Variants in TMEM132D observed in about 807,000 individuals in gnomAD.
TMEM132D encodes the protein mature OL transmembrane protein.
Under a neutral mutation model 62.3 loss-of-function variants are expected in TMEM132D, and 21 were observed. The observed-to-expected ratio is 0.34, with a 90% CI of 0.24 to 0.49. TMEM132D has a LOEUF of 0.49. Ranked by LOEUF, TMEM132D falls within the 20% of genes least tolerant of loss-of-function variation. TMEM132D has a pLI of 0.99. For synonymous variants in TMEM132D, 621 were observed against 575.6 expected, an observed-to-expected ratio of 1.08 and a Z score of -1.13; for missense variants, 1,346 against 1,402.8, an observed-to-expected ratio of 0.96 and a Z score of 0.65.
At chr12:129,859,149 G>T (rs1279502371) in intron 1 of TMEM132D, among the ~76,000 whole-genome samples, 2 of 152,174 alleles carry the variant, frequency 1.3e-5, no homozygotes, top group Non-Finnish European at 2.9e-5. Flanking sequence ...CGGTGAGAAG[G>T]TGCCATCTCC....
rs1876003236 is a variant in TMEM132D at position 129,525,501 on chromosome 12, TAGG to T, written c.1115+5555_1115+5557del. ...GGAAATAAAAGCATCCTTCATGGTC[TAGG>T]AGGACTTGGGCATGTGTGCTGCATA... On this transcript the variant is annotated intron_variant, in intron 3 of 8. Transcript: ENST00000422113. Among the ~76,000 whole-genome samples the T allele has an allele frequency of 1.3e-5, 2 of 152,246 alleles. 1 individual carries two copies. Among genetic ancestry groups the T allele is most frequent in the African/African-American group, 4.8e-5 (2 of 41,532 alleles).
At chr12:129,209,183 C>T (rs1878948977) in intron 5 of TMEM132D, among the ~76,000 whole-genome samples, 1 of 152,198 alleles carries the variant, frequency 6.6e-6, no homozygotes, top group Non-Finnish European at 1.5e-5. Flanking sequence ...TTCCCTTCTT[C>T]TCCCCTGCCT....
chr12:129,537,620 G>T (rs1193087582), intron 2 of TMEM132D, among the ~76,000 whole-genome samples: 2 of 152,178 alleles, frequency 1.3e-5, no homozygotes, highest in Non-Finnish European at 2.9e-5. Flanking sequence ...TAAGACCTGT[G>T]ACTTCAATGC....
intron 2 of TMEM132D, among the ~76,000 whole-genome samples, chr12:129,598,244 T>G (rs571351301): frequency 6.6e-6 from 1 of 152,366 alleles, no homozygotes; most frequent in Admixed American, 6.5e-5. Flanking sequence ...TATTTTTTTA[T>G]GAGCTATTGA....
At chr12:129,167,691 A>G (rs1029644769) in intron 5 of TMEM132D, among the ~76,000 whole-genome samples, 2 of 151,988 alleles carry the variant, frequency 1.3e-5, no homozygotes, top group African/African-American at 2.4e-5. Flanking sequence ...GCACAATACT[A>G]GATACAGCTT....
intron 2 of TMEM132D, among the ~76,000 whole-genome samples, chr12:129,606,783 A>T (rs755184692): frequency 2.0e-5 from 3 of 152,194 alleles, no homozygotes; most frequent in Non-Finnish European, 4.4e-5. Context: ...GAGGGAATAA[A>T]AACTACATAT....
intron 3 of TMEM132D, among the ~76,000 whole-genome samples, chr12:129,441,612 T>C (rs1872938234): frequency 6.6e-6 from 1 of 152,208 alleles, no homozygotes; most frequent in Admixed American, 6.5e-5. Context: ...ACTCCCACTC[T>C]TTGATCCAGC....
intron 5 of TMEM132D, among the ~76,000 whole-genome samples, chr12:129,198,694 G>C: frequency 6.6e-6 from 1 of 152,082 alleles, no homozygotes; most frequent in East Asian, 1.9e-4. Flanking sequence ...GAAAGAATAA[G>C]TTATTTTTTA....
At chr12:129,364,517 T>G (rs1448711865) in intron 3 of TMEM132D, among the ~76,000 whole-genome samples, 5 of 152,232 alleles carry the variant, frequency 3.3e-5, no homozygotes, top group Non-Finnish European at 4.4e-5. Flanking sequence ...TAGCGTAATT[T>G]TGTAGTTGCA....
At chr12:129,459,368 C>G (rs963974557) in intron 3 of TMEM132D, among the ~76,000 whole-genome samples, 9 of 152,214 alleles carry the variant, frequency 5.9e-5, no homozygotes, top group Admixed American at 3.3e-4. Flanking sequence ...AGTCACTGAT[C>G]TCTCCAACGT....
At chr12:129,794,253 ATTTTTT>A (rs3046861) in intron 1 of TMEM132D, among the ~76,000 whole-genome samples, 1 of 111,574 alleles carries the variant, frequency 9.0e-6, no homozygotes, top group Non-Finnish European at 1.8e-5. Context: ...CATGCCCAGC[ATTTTTT>A]TTTTTTTTTT....
chr12:129,621,903 T>C (rs963267003), intron 2 of TMEM132D, among the ~76,000 whole-genome samples: 6 of 152,198 alleles, frequency 3.9e-5, no homozygotes, highest in African/African-American at 1.4e-4. Context: ...AAGTTTTTCT[T>C]CCTTCTTTTC....
At chr12:129,527,300 C>T (rs1456897829) in intron 3 of TMEM132D, among the ~76,000 whole-genome samples, 2 of 152,068 alleles carry the variant, frequency 1.3e-5, no homozygotes, top group Non-Finnish European at 2.9e-5. Context: ...CAGTGTGAGA[C>T]CTTGTCTCAG....
intron 3 of TMEM132D, among the ~76,000 whole-genome samples, chr12:129,527,697 T>C (rs986233210): frequency 6.6e-6 from 1 of 152,238 alleles, no homozygotes; most frequent in Non-Finnish European, 1.5e-5. Flanking sequence ...CATATTTATC[T>C]AAGTTAACAT....
intron 5 of TMEM132D, among the ~76,000 whole-genome samples, chr12:129,136,225 C>T (rs1036512869): frequency 6.6e-6 from 1 of 152,126 alleles, no homozygotes; most frequent in African/African-American, 2.4e-5. Flanking sequence ...CTACTCAGCT[C>T]CACCCAAATT....
chr12:129,356,699 A>C (rs2135671469), intron 3 of TMEM132D, among the ~76,000 whole-genome samples: 1 of 143,648 alleles, frequency 7.0e-6, no homozygotes, highest in Admixed American at 7.0e-5. Flanking sequence ...TAAATAAATA[A>C]AATAAAAATA....
intron 5 of TMEM132D, among the ~76,000 whole-genome samples, chr12:129,106,085 C>A (rs867837194): frequency 0.02 from 3,015 of 150,488 alleles, 102 homozygotes; most frequent in African/African-American, 0.07. Context: ...TACTATGCAG[C>A]CATAAAAAAT....
At chr12:129,236,215 T>C (rs185157172) in intron 4 of TMEM132D, among the ~76,000 whole-genome samples, 4 of 151,732 alleles carry the variant, frequency 2.6e-5, no homozygotes, top group Non-Finnish European at 4.4e-5. Flanking sequence ...CTTTTTCAGA[T>C]AGTTCAGTAT....
At chr12:129,756,886 G>T (rs1317508693) in intron 1 of TMEM132D, among the ~76,000 whole-genome samples, 2 of 152,160 alleles carry the variant, frequency 1.3e-5, no homozygotes, top group Non-Finnish European at 2.9e-5. Context: ...GCTGTGGAAG[G>T]TTGCGCCCTG....
Sources: allele counts gnomAD v4.1 joint callset (sites outside exome capture counted in the v4.1 genomes callset), GRCh38; gene constraint gnomAD v4.1.1; transcripts MANE v1.5; gene names NCBI Gene and HGNC (gene_info 2026-07-23, HGNC 2026-07-21).